LSM4: variants seen among roughly 807,000 people sequenced by gnomAD.
The protein encoded by LSM4 is LSM4 homolog, U6 small nuclear RNA and mRNA degradation associated, also known as U6 snRNA-associated Sm-like protein LSm4.
LSM4 carries 15 observed loss-of-function variants against 22.3 expected under a neutral mutation model. The ratio of observed to expected loss-of-function variants is 0.67; its 90% CI spans 0.45 to 1.03. The LOEUF is 1.03. Ranked by LOEUF, LSM4 falls within the 50% of genes least tolerant of loss-of-function variation. The probability of loss-of-function intolerance (pLI) is 0.00; values close to 1 mark genes in which losing one functional copy is unlikely to be tolerated. For missense variants in LSM4, 127 were observed against 198.0 expected (o/e 0.64, Z 2.15); for synonymous variants, 90 against 79.8 (o/e 1.13, Z -0.68).
rs1001923011 is a variant in LSM4, at chr19:18,307,121, C to G, written c.*343G>C. 8.4e-6 allele frequency: 2 copies of G among 236,778 alleles called. No homozygotes were observed. The highest frequency in any genetic ancestry group is 2.2e-5 in the African/African-American group (1 of 44,496). 14.7% of individuals were successfully genotyped at this position (236,778 alleles called of 1,614,324 possible). ...AAAAATCTCCCGTCTGGTTGCTGCT[C>G]GGAGAGGCTCCAAGAAATGCAAAAC... On this transcript the variant is annotated 3_prime_UTR_variant, in exon 5 of 5. Coordinates refer to ENST00000593829, the MANE Select transcript of LSM4 (RefSeq NM_012321.5).
At chr19:18,322,578 T>C (rs1442317027) in intron 1 of LSM4, among the ~76,000 whole-genome samples, 2 of 152,170 alleles carry the variant, frequency 1.3e-5, no homozygotes, top group Non-Finnish European at 2.9e-5. Flanking sequence ...TTGCAAGCTC[T>C]GAAATTCCTA....
rs1307463270 is a variant in LSM4, at chr19:18,307,200, C to G, written c.*264G>C. The G allele has an allele frequency of 2.6e-6, 1 of 379,718 alleles. No individual in the cohort carries two copies. The allele number at this position is 379,718 out of a possible 1,614,324, so 23.5% of individuals were successfully genotyped here. On this transcript the variant is annotated 3_prime_UTR_variant, in exon 5 of 5. Coordinates refer to ENST00000593829, the MANE Select transcript of LSM4 (RefSeq NM_012321.5). Reference sequence around the variant, plus strand: ...AACCAGAGCGAGGGCTTGAAAGATGCCTTCAACACAGACTCTTCTAGGAAT... The same window carrying G: ...AACCAGAGCGAGGGCTTGAAAGATGGCTTCAACACAGACTCTTCTAGGAAT...
chr19:18,318,666 G>A (rs1183828635), intron 1 of LSM4, among the ~76,000 whole-genome samples: 1 of 152,258 alleles, frequency 6.6e-6, no homozygotes, highest in African/African-American at 2.4e-5. Context: ...ACCAGGGAAG[G>A]CGCAGAGGTC....
At chr19:18,320,118 T>C (rs1228472100) in intron 1 of LSM4, among the ~76,000 whole-genome samples, 1 of 152,182 alleles carries the variant, frequency 6.6e-6, no homozygotes, top group Non-Finnish European at 1.5e-5. Context: ...TGTGACCATA[T>C]ATCTTGATTT....
chr19:18,309,182 C>T (rs1275757208), intron 4 of LSM4: 2 of 154,976 alleles, frequency 1.3e-5, no homozygotes, highest in African/African-American at 4.8e-5. Context: ...GAGCCCAGCA[C>T]ACAGGCAGTG....
intron 4 of LSM4, 23 bp downstream of exon 4, chr19:18,309,655 T>C (rs904210701): frequency 6.4e-7 from 1 of 1,568,236 alleles, no homozygotes; most frequent in African/African-American, 1.4e-5. Context: ...CCCAGGTACG[T>C]CCACTGGAGA....
intron 3 of LSM4, among the ~76,000 whole-genome samples, chr19:18,310,807 C>G (rs73007704): frequency 6.6e-6 from 1 of 152,160 alleles, no homozygotes; most frequent in Non-Finnish European, 1.5e-5. Context: ...CTCTAGGGCC[C>G]GAGATCCTGC....
chr19:18,308,414 G>A (rs1309363809), intron 4 of LSM4, among the ~76,000 whole-genome samples: 1 of 152,214 alleles, frequency 6.6e-6, no homozygotes, highest in Non-Finnish European at 1.5e-5. Flanking sequence ...TTAGGGAGCC[G>A]TTTCAGAGAA....
chr19:18,316,502 C>T (rs1266356786), intron 1 of LSM4, among the ~76,000 whole-genome samples: 1 of 152,066 alleles, frequency 6.6e-6, no homozygotes, highest in East Asian at 1.9e-4. Flanking sequence ...CATGCGTCAC[C>T]ACACCCAGCA....
chr19:18,308,165 G>A (rs560431555), intron 4 of LSM4, among the ~76,000 whole-genome samples: 1 of 152,288 alleles, frequency 6.6e-6, no homozygotes, highest in South Asian at 2.1e-4. Context: ...GAGGTGACAG[G>A]GGGTTCCCGG....
rs117253606 is a variant in LSM4 at position 18,308,569 on chromosome 19, G to A, written c.329-1014C>T. ...CCAGCGCTGCAGGCAGCATAGCTCA[G>A]GCCCTCCACAGAGCCCGCTGGGAGG... On this transcript the variant is annotated intron_variant, in intron 4 of 4. Transcript: ENST00000593829. Among the ~76,000 whole-genome samples, 1,024 of 152,322 alleles carry A rather than the reference G, an allele frequency of 6.7e-3. 10 individuals are homozygous for A. Among genetic ancestry groups the A allele is most frequent in the Middle Eastern group, 0.027 (8 of 294 alleles).
intron 1 of LSM4, among the ~76,000 whole-genome samples, chr19:18,322,443 G>A (rs905076945): frequency 3.9e-5 from 6 of 152,054 alleles, no homozygotes; most frequent in African/African-American, 1.4e-4. Context: ...TCCACCCCTA[G>A]CTCAAAACGC....
chr19:18,315,601 G>A lies in LSM4; in HGVS notation c.45+423C>T, dbSNP rs111290917. Among the ~76,000 whole-genome samples, 311 of 152,188 alleles carry A rather than the reference G, an allele frequency of 2.0e-3. 1 individual carries two copies. The highest frequency in any genetic ancestry group is 0.014 in the Middle Eastern group (4 of 294). ...CTGTCGCTCAGACTGGAGCGCAGTG[G>A]TATGATCATAGCTCACTGCAGCCTC... On this transcript the variant is annotated intron_variant, in intron 2 of 4. Transcript: ENST00000593829.
rs111445982 is a variant in LSM4 at position 18,310,432 on chromosome 19, C to T, written c.145-571G>A. ...GCCTAGTGTGGTGGGTGAAGAGGGG[C>T]GGGAAATGGGGGGACTTGGGTCCTG... On this transcript the variant is annotated intron_variant, in intron 3 of 4. Transcript: ENST00000593829. Among the ~76,000 whole-genome samples, 1,343 of 152,218 alleles carry T rather than the reference C, an allele frequency of 8.8e-3. 6 individuals are homozygous for T. Among genetic ancestry groups the T allele is most frequent in the Middle Eastern group, 0.014 (4 of 294 alleles).
chr19:18,321,636 T>G (rs373749653), intron 1 of LSM4, among the ~76,000 whole-genome samples: 20 of 152,304 alleles, frequency 1.3e-4, no homozygotes, highest in Middle Eastern at 6.8e-3. Context: ...TTAGGTAACT[T>G]CAGCCTCTGG....
chr19:18,322,949 C>A, intron 1 of LSM4, 69 bp downstream of exon 1: 1 of 1,575,370 alleles, frequency 6.3e-7, no homozygotes, highest in East Asian at 2.4e-5. Context: ...CCACAGCGCC[C>A]GCCCGCAGGG....
At chr19:18,307,967 C>T (rs535786793) in intron 4 of LSM4, among the ~76,000 whole-genome samples, 104 of 152,036 alleles carry the variant, frequency 6.8e-4, no homozygotes, top group Admixed American at 1.8e-3. Context: ...GCCTCCTATG[C>T]GCCACAACCA....
intron 4 of LSM4, chr19:18,309,418 T>C: frequency 1.9e-6 from 1 of 529,124 alleles, no homozygotes; most frequent in Admixed American, 3.8e-5. Flanking sequence ...CACCATACCC[T>C]CTCAGAGGGG....
intron 1 of LSM4, among the ~76,000 whole-genome samples, chr19:18,321,528 T>C (rs532084117): frequency 9.8e-5 from 15 of 152,290 alleles, no homozygotes; most frequent in South Asian, 4.1e-4. Flanking sequence ...TGGAACAAAA[T>C]TGGTAATAGC....
Sources: gnomAD v4.1 joint callset for allele counts (sites outside exome capture counted in the v4.1 genomes callset) on GRCh38, gnomAD v4.1.1 for gene constraint, MANE v1.5 for transcripts, NCBI Gene and HGNC (gene_info 2026-07-23, HGNC 2026-07-21) for gene names.